The following GUCY1A2 variants were observed in gnomAD, a reference collection of about 807,000 sequenced individuals.
GUCY1A2 encodes guanylate cyclase soluble subunit alpha-2.
Under a neutral mutation model 63.5 loss-of-function variants are expected in GUCY1A2, and 27 were observed. That is an observed-to-expected ratio of 0.43 (90% CI 0.31 to 0.59). The LOEUF is 0.59. Ranked by LOEUF, GUCY1A2 falls within the 20% of genes least tolerant of loss-of-function variation. The pLI, the probability that GUCY1A2 is intolerant of heterozygous loss-of-function variation, is 0.11. For missense variants in GUCY1A2, 768 were observed against 913.3 expected, an observed-to-expected ratio of 0.84 and a Z score of 2.05; for synonymous variants, 364 against 343.5, an observed-to-expected ratio of 1.06 and a Z score of -0.66.
intron 6 of GUCY1A2, among the ~76,000 whole-genome samples, chr11:106,754,942 C>T (rs1863947572): frequency 6.6e-6 from 1 of 152,162 alleles, no homozygotes; most frequent in Non-Finnish European, 1.5e-5. Context: ...ACCAGCTCCT[C>T]TTTGTCCTCT....
At chr11:106,926,953 G>C (rs1216986984) in intron 4 of GUCY1A2, among the ~76,000 whole-genome samples, 3 of 148,774 alleles carry the variant, frequency 2.0e-5, no homozygotes, top group African/African-American at 7.4e-5. Context: ...GAAGGGAATG[G>C]ACAATTGTGC....
At chr11:106,700,059 T>G (rs1013438699) in intron 7 of GUCY1A2, among the ~76,000 whole-genome samples, 46 of 152,288 alleles carry the variant, frequency 3.0e-4, no homozygotes, top group African/African-American at 9.1e-4. Context: ...AAATATGTCT[T>G]AAATTTCCAG....
chr11:106,762,868 G>A (rs970027001), intron 6 of GUCY1A2, among the ~76,000 whole-genome samples: 4 of 152,016 alleles, frequency 2.6e-5, no homozygotes, highest in Non-Finnish European at 2.9e-5. Flanking sequence ...GTTTCACAGT[G>A]TAATTTTGTC....
At chr11:106,755,776 C>A (rs1420503261) in intron 6 of GUCY1A2, among the ~76,000 whole-genome samples, 1 of 152,052 alleles carries the variant, frequency 6.6e-6, no homozygotes, top group African/African-American at 2.4e-5. Context: ...GTTATGTGGT[C>A]AATTTTGGAA....
At chr11:106,957,855 C>CTTTTTTT (rs59519013) in intron 3 of GUCY1A2, among the ~76,000 whole-genome samples, 1 of 87,260 alleles carries the variant, frequency 1.1e-5, no homozygotes, top group African/African-American at 4.7e-5. Context: ...AAGGGACAAA[C>CTTTTTTT]TTTTTTTTTT....
Position 106,796,400 on chromosome 11 carries a change from A to C in GUCY1A2, c.1692+13593T>G, listed in dbSNP as rs959970947. ...TTAGTTGCTGCAGTTTCTTCCTAGC[A>C]TCGATGGTCTTTACAATTTGGCATG... On this transcript the variant is annotated intron_variant, in intron 5 of 7. Coordinates refer to ENST00000526355, the MANE Select transcript of GUCY1A2 (RefSeq NM_000855.3). 2.4e-4 allele frequency among the ~76,000 whole-genome samples: 36 copies of C among 152,136 alleles called. 1 individual carries two copies. The highest frequency in any genetic ancestry group is 3.8e-4 in the Non-Finnish European group (26 of 68,032).
At chr11:106,706,482 G>C (rs1426582082) in intron 7 of GUCY1A2, among the ~76,000 whole-genome samples, 3 of 151,318 alleles carry the variant, frequency 2.0e-5, no homozygotes, top group Non-Finnish European at 4.4e-5. Context: ...ATCATAAACT[G>C]TGAAAAAGAC....
At chr11:106,780,567 C>G (rs1412242226) in intron 5 of GUCY1A2, among the ~76,000 whole-genome samples, 3 of 152,044 alleles carry the variant, frequency 2.0e-5, no homozygotes, top group Non-Finnish European at 4.4e-5. Flanking sequence ...AGGTTCTGAC[C>G]CAATTGTACA....
chr11:106,951,201 T>C (rs1026446881), intron 3 of GUCY1A2, among the ~76,000 whole-genome samples: 3 of 152,216 alleles, frequency 2.0e-5, no homozygotes, highest in Non-Finnish European at 4.4e-5. Context: ...GCAATAAACA[T>C]ACATGTGCAT....
At chr11:107,013,878 A>C (rs954837431) in intron 1 of GUCY1A2, among the ~76,000 whole-genome samples, 5 of 152,132 alleles carry the variant, frequency 3.3e-5, no homozygotes, top group African/African-American at 1.2e-4. Flanking sequence ...ATAATGATTA[A>C]AGAAGTTCCA....
At position 106,681,112 on chromosome 11, in the gene GUCY1A2, A is replaced by G. The variant is rs2135327290; in HGVS notation, c.*6437T>C. ...TGATTTTTTCATTTCGAAATCTGAA[A>G]GCTTTAGTGTTTTTTCAGTATTACT... On this transcript the variant is annotated 3_prime_UTR_variant, in exon 8 of 8. Transcript: ENST00000526355. 1 of 210,988 alleles carries G rather than the reference A, an allele frequency of 4.7e-6. No homozygotes were observed. Among genetic ancestry groups the G allele is most frequent in the East Asian group, 7.1e-5 (1 of 14,094 alleles). The allele number at this position is 210,988 out of a possible 1,614,324, so 13.1% of individuals were successfully genotyped here.
chr11:106,699,194 A>C (rs910905005), intron 7 of GUCY1A2, among the ~76,000 whole-genome samples: 1 of 152,218 alleles, frequency 6.6e-6, no homozygotes, highest in Non-Finnish European at 1.5e-5. Context: ...GAACCTTCAG[A>C]AAGGATTATT....
intron 6 of GUCY1A2, among the ~76,000 whole-genome samples, chr11:106,759,262 T>C (rs903156066): frequency 2.6e-5 from 4 of 152,146 alleles, no homozygotes; most frequent in African/African-American, 7.2e-5. Flanking sequence ...TCAAAACATA[T>C]GCATTCTTAA....
chr11:106,750,795 T>C (rs1046491134), intron 6 of GUCY1A2, among the ~76,000 whole-genome samples: 31 of 128,176 alleles, frequency 2.4e-4, no homozygotes, highest in Non-Finnish European at 4.4e-4. Flanking sequence ...TGCGATTTCC[T>C]TTTTTTTTTC....
chr11:106,901,351 C>G (rs564528884), intron 4 of GUCY1A2, among the ~76,000 whole-genome samples: 3 of 152,302 alleles, frequency 2.0e-5, no homozygotes, highest in Non-Finnish European at 4.4e-5. Flanking sequence ...CACTAAAATC[C>G]TGAAGCCCTC....
At position 106,956,967 on chromosome 11, in the gene GUCY1A2, C is replaced by T. The variant is rs926166265; in HGVS notation, c.488-16789G>A. ...CCCAGGGAGATCTGAATTCTGTCCC[C>T]GAGCCTCTAGCTGGAGTTATTGGAG... On this transcript the variant is annotated intron_variant, in intron 3 of 7. Transcript: ENST00000526355. 5.9e-5 allele frequency among the ~76,000 whole-genome samples: 9 copies of T among 152,258 alleles called. No individual in the cohort carries two copies. In the South Asian group the frequency reaches 1.0e-3, roughly 18 times the overall value.
At chr11:106,994,765 T>G (rs1339062138) in intron 1 of GUCY1A2, among the ~76,000 whole-genome samples, 3 of 152,226 alleles carry the variant, frequency 2.0e-5, no homozygotes, top group African/African-American at 7.2e-5. Context: ...TGGTAATTTA[T>G]TTCACTTTGG....
At chr11:106,917,407 T>C (rs1191063384) in intron 4 of GUCY1A2, among the ~76,000 whole-genome samples, 1 of 145,416 alleles carries the variant, frequency 6.9e-6, no homozygotes, top group Non-Finnish European at 1.5e-5. Context: ...GATCAGGCAA[T>C]GCTCTTAGAA....
intron 6 of GUCY1A2, among the ~76,000 whole-genome samples, chr11:106,768,550 AT>A (rs553102030): frequency 1.1e-3 from 165 of 152,210 alleles, no homozygotes; most frequent in Middle Eastern, 0.01. Flanking sequence ...CTGGTTAACT[AT>A]TTTTTATGCT....
Sources: allele counts gnomAD v4.1 joint callset (sites outside exome capture counted in the v4.1 genomes callset), GRCh38; gene constraint gnomAD v4.1.1; transcripts MANE v1.5; gene names NCBI Gene and HGNC (gene_info 2026-07-23, HGNC 2026-07-21).